COL5A1: variants seen among roughly 807,000 people sequenced by gnomAD.
COL5A1 encodes the protein collagen alpha-1(V) chain.
COL5A1 carries 16 observed loss-of-function variants against 263.7 expected under a neutral mutation model. That is an observed-to-expected ratio of 0.06 (90% CI 0.04 to 0.09). The LOEUF (loss-of-function observed/expected upper bound fraction) is 0.09. Ranked by LOEUF, COL5A1 falls within the 10% of genes least tolerant of loss-of-function variation. COL5A1 has a pLI of 1.00. For synonymous variants in COL5A1, 1,012 were observed against 1,004.5 expected (o/e 1.01, Z -0.14); for missense variants, 2,036 against 2,540.5 (o/e 0.80, Z 4.27).
rs1836631847 is a variant in COL5A1 at position 134,765,594 on chromosome 9, A to C, written c.2035-87A>C. The C allele has an allele frequency of 1.6e-6, 2 of 1,212,798 alleles. No individual in the cohort carries two copies. Among genetic ancestry groups the C allele is most frequent in the African/African-American group, 3.0e-5 (2 of 66,948 alleles). 75.1% of individuals were successfully genotyped at this position (1,212,798 alleles called of 1,614,324 possible). On this transcript the variant is annotated intron_variant, in intron 20 of 65. Coordinates refer to ENST00000371817, the MANE Select transcript of COL5A1 (RefSeq NM_000093.5). The surrounding 1 kb of genome is among the most constrained non-coding windows in gnomAD (Gnocchi z 5.1). Reference sequence around the variant, plus strand: ...AGTCACCAGCTGGGGTTCTGGGTGGAGTCAGGGCCAAGTGGGCATAGGGGA... The same window carrying C: ...AGTCACCAGCTGGGGTTCTGGGTGGCGTCAGGGCCAAGTGGGCATAGGGGA...
intron 52 of COL5A1, among the ~76,000 whole-genome samples, chr9:134,816,444 G>A (rs774109657): frequency 6.6e-6 from 1 of 152,362 alleles, no homozygotes; most frequent in Middle Eastern, 3.4e-3. Flanking sequence ...GGGACGGATC[G>A]ACCCCCATGG....
rs2132697667 is a variant in COL5A1, at chr9:134,757,650, A to G, written c.1882-593A>G. Reference sequence around the variant, plus strand: ...CAGAAGACCATGGTCTTCTTTCAACAACATGGCTGAAAGCCTAAAATGTCC... The same window carrying G: ...CAGAAGACCATGGTCTTCTTTCAACGACATGGCTGAAAGCCTAAAATGTCC... On this transcript the variant is annotated intron_variant, in intron 17 of 65. Coordinates refer to ENST00000371817, the MANE Select transcript of COL5A1 (RefSeq NM_000093.5). The surrounding 1 kb of genome is among the most constrained non-coding windows in gnomAD (Gnocchi z 6.2). Among the ~76,000 whole-genome samples, 2 of 152,306 alleles carry G rather than the reference A, an allele frequency of 1.3e-5. No individual in the cohort carries two copies. The highest frequency in any genetic ancestry group is 1.3e-4 in the Admixed American group (2 of 15,308).
intron 5 of COL5A1, 44 bp downstream of exon 5, chr9:134,727,441 A>G (rs1401894302): frequency 1.2e-6 from 2 of 1,610,782 alleles, no homozygotes; most frequent in Non-Finnish European, 1.7e-6. Context: ...TGAGCAGACT[A>G]CTTGGGATGG....
At chr9:134,815,498 G>A in intron 50 of COL5A1, 78 bp from the exon 51 acceptor site, 1 of 1,437,888 alleles carries the variant, frequency 7.0e-7, no homozygotes, top group Non-Finnish European at 9.7e-7. Context: ...CCATCTTGAG[G>A]TGGTGACATG....
Position 134,682,007 on chromosome 9 carries a change from C to G in COL5A1, c.110-8905C>G, listed in dbSNP as rs992950055. 2.6e-5 allele frequency among the ~76,000 whole-genome samples: 4 copies of G among 152,080 alleles called. No homozygotes were observed. Among genetic ancestry groups the G allele is most frequent in the Non-Finnish European group, 5.9e-5 (4 of 68,020 alleles). ...TGTCTGTCCCCACAGCTGCCTTCCC[C>G]GAACCCCTGATCCCCAGCTCATTCT... On this transcript the variant is annotated intron_variant, in intron 1 of 65. Transcript: ENST00000371817. This position sits in a 1 kb window ranked among gnomAD's most constrained non-coding sequence, Gnocchi z 5.1.
chr9:134,830,413 G>T lies in COL5A1; in HGVS notation c.5136+369G>T, dbSNP rs1839562277. ...AGATGGTTTTCCGTTTCTGTGTAGG[G>T]CGCGCAGAGCTGGGTGTGGGCCCCA... On this transcript the variant is annotated intron_variant, in intron 64 of 65. Transcript: ENST00000371817. 3 of 588,558 alleles carry T rather than the reference G, an allele frequency of 5.1e-6. No homozygotes were observed. In the East Asian group the frequency reaches 8.5e-5, roughly 17 times the overall value. 36.5% of individuals were successfully genotyped at this position (588,558 alleles called of 1,614,324 possible). A position where few individuals can be genotyped will look rare whatever the true frequency, so the allele number is the denominator to read the frequency against.
At chr9:134,738,016 G>T (rs1011357361) in intron 9 of COL5A1, among the ~76,000 whole-genome samples, 1 of 152,160 alleles carries the variant, frequency 6.6e-6, no homozygotes, top group Non-Finnish European at 1.5e-5. Flanking sequence ...GCTGGGGACA[G>T]AAGTTCAGCC....
chr9:134,765,718 G>C lies in COL5A1; in HGVS notation c.2072G>C (p.Gly691Ala). The change falls in exon 21 of 66, where the codon GGT becomes GCT. Residue 691 changes from glycine to alanine, a missense_variant. Physicochemically the swap from Gly to Ala is moderately conservative, Grantham distance 60. Around this residue, in one of 3 missense-constraint regions of COL5A1, gnomAD observed 1,078 missense variants for 1,521.4 expected, o/e 0.71. Coordinates refer to ENST00000371817, the MANE Select transcript of COL5A1 (RefSeq NM_000093.5). The surrounding 1 kb of genome is among the most constrained non-coding windows in gnomAD (Gnocchi z 5.1). The part of the protein sequence containing the change: ...RGLLGPKGPP[G>A]PPGPPGVTGM... ...CTGCTTGGGCCGAAGGGGCCCCCAGGTCCTCCCGGACCTCCCGTAAGTCCC... is the reference window on the plus strand; with the variant it reads ...CTGCTTGGGCCGAAGGGGCCCCCAGCTCCTCCCGGACCTCCCGTAAGTCCC... 1 of 1,613,476 alleles carries C rather than the reference G, an allele frequency of 6.2e-7. No individual in the cohort carries two copies.
chr9:134,753,706 G>A (rs1434984976), intron 14 of COL5A1, 144 bp from the exon 15 acceptor site: 2 of 684,242 alleles, frequency 2.9e-6, no homozygotes, highest in Non-Finnish European at 5.4e-6. Flanking sequence ...TTCTGTTCGA[G>A]GCAGACAGGT....
rs183856083 is a variant in COL5A1, at chr9:134,681,174, G to C, written c.110-9738G>C. ...CCTGCCTTGCAGGGAGGGCTGGGGT[G>C]GGGGGGCCTCAGCCCTGGGCCAGAC... On this transcript the variant is annotated intron_variant, in intron 1 of 65. Coordinates refer to ENST00000371817, the MANE Select transcript of COL5A1 (RefSeq NM_000093.5). The surrounding 1 kb of genome is among the most constrained non-coding windows in gnomAD (Gnocchi z 4.3). 6.8e-3 allele frequency among the ~76,000 whole-genome samples: 1,033 copies of C among 152,234 alleles called. 11 individuals are homozygous for C. The highest frequency in any genetic ancestry group is 0.019 in the African/African-American group (803 of 41,560).
chr9:134,837,605 G>A (rs1343877969), intron 65 of COL5A1, among the ~76,000 whole-genome samples: 1 of 151,826 alleles, frequency 6.6e-6, no homozygotes, highest in Non-Finnish European at 1.5e-5. Context: ...GGCTCCACCT[G>A]CATCCTGGGA....
At chr9:134,802,354 C>A (rs529225179) in intron 38 of COL5A1, among the ~76,000 whole-genome samples, 86 of 152,292 alleles carry the variant, frequency 5.6e-4, no homozygotes, top group Non-Finnish European at 9.4e-4. Flanking sequence ...GTGGGTGTCA[C>A]GGGCCTGCGA....
At chr9:134,735,744 C>T (rs563005808) in intron 9 of COL5A1, among the ~76,000 whole-genome samples, 1 of 152,258 alleles carries the variant, frequency 6.6e-6, no homozygotes, top group Non-Finnish European at 1.5e-5. Flanking sequence ...TCTCAGCTGC[C>T]TTTGTCAGAG....
In COL5A1 at chr9:134,682,730, G is replaced by A. The variant is rs983431007; in HGVS notation, c.110-8182G>A. The stretch of plus-strand genomic sequence containing the variant: ...AAAAGTCACCCCCAAGTGACCACGA[G>A]TGACCAGGTGGAATCTGCTGGTGTG... On this transcript the variant is annotated intron_variant, in intron 1 of 65. Coordinates refer to ENST00000371817, the MANE Select transcript of COL5A1 (RefSeq NM_000093.5). The surrounding 1 kb of genome is among the most constrained non-coding windows in gnomAD (Gnocchi z 5.1). Among the ~76,000 whole-genome samples, 1 of 152,302 alleles carries A rather than the reference G, an allele frequency of 6.6e-6. No individual in the cohort carries two copies. Among genetic ancestry groups the A allele is most frequent in the Non-Finnish European group, 1.5e-5 (1 of 68,028 alleles).
At position 134,741,484 on chromosome 9, in the gene COL5A1, T is replaced by G. The variant is rs1425363337; in HGVS notation, c.1494+2676T>G. ...GGTGGGCAAGTGACTAGGAACTCCA[T>G]GGAGGAACGAATGGAAGATTAAGGT... On this transcript the variant is annotated intron_variant, in intron 11 of 65. Transcript: ENST00000371817. The surrounding 1 kb of genome is among the most constrained non-coding windows in gnomAD (Gnocchi z 4.5). Among the ~76,000 whole-genome samples, 1 of 152,018 alleles carries G rather than the reference T, an allele frequency of 6.6e-6. No individual in the cohort carries two copies. The highest frequency in any genetic ancestry group is 6.5e-5 in the Admixed American group (1 of 15,272).
chr9:134,746,131 G>T (rs1156407985), intron 11 of COL5A1, among the ~76,000 whole-genome samples: 3 of 152,172 alleles, frequency 2.0e-5, no homozygotes, highest in South Asian at 2.1e-4. Flanking sequence ...ACCGCGCGTG[G>T]TCATGCACGT....
intron 4 of COL5A1, among the ~76,000 whole-genome samples, chr9:134,718,080 G>A (rs1266718010): frequency 6.6e-6 from 1 of 152,202 alleles, no homozygotes; most frequent in East Asian, 1.9e-4. Context: ...CCAGGCTTAT[G>A]GGGCTCTCCA....
chr9:134,724,872 T>G (rs1006861372), intron 4 of COL5A1, among the ~76,000 whole-genome samples: 1 of 146,282 alleles, frequency 6.8e-6, no homozygotes, highest in Non-Finnish European at 1.5e-5. Context: ...CAGGCTCAGG[T>G]GAACCAGGCT....
rs1281193622 is a variant in COL5A1, at chr9:134,642,808, T to C, written c.109+512T>C. ...TCCCCCAGGCACTGTCACTCTAGGC[T>C]GAGCTGGCGCCCTGCTTTCCCCAGG... On this transcript the variant is annotated intron_variant, in intron 1 of 65. Coordinates refer to ENST00000371817, the MANE Select transcript of COL5A1 (RefSeq NM_000093.5). This position sits in a 1 kb window ranked among gnomAD's most constrained non-coding sequence, Gnocchi z 4.5. Among the ~76,000 whole-genome samples the C allele has an allele frequency of 6.6e-6, 1 of 152,170 alleles. No individual in the cohort carries two copies. Among genetic ancestry groups the C allele is most frequent in the Non-Finnish European group, 1.5e-5 (1 of 68,026 alleles).
Sources: gnomAD v4.1 joint callset for allele counts (sites outside exome capture counted in the v4.1 genomes callset) on GRCh38, gnomAD v4.1.1 for gene constraint, gnomAD v4.1.1 regional missense constraint, Gnocchi (gnomAD v3.1) non-coding constraint, MANE v1.5 for transcripts, NCBI Gene and HGNC (gene_info 2026-07-23, HGNC 2026-07-21) for gene names.